SEPTIN8: variants seen among roughly 807,000 people sequenced by gnomAD.
SEPTIN8 encodes the protein septin 8.
SEPTIN8 carries 22 observed loss-of-function variants against 53.1 expected under a neutral mutation model. That is an observed-to-expected ratio of 0.41 (90% CI 0.30 to 0.59). The LOEUF (loss-of-function observed/expected upper bound fraction) is 0.59. SEPTIN8 is among the 20% of genes least tolerant of loss of function. The pLI is 0.24. For missense variants in SEPTIN8, 536 were observed against 638.7 expected, an observed-to-expected ratio of 0.84 and a Z score of 1.73; for synonymous variants, 228 against 248.4, an observed-to-expected ratio of 0.92 and a Z score of 0.77.
chr5:132,766,416 T>C (rs1756605274), intron 1 of SEPTIN8, among the ~76,000 whole-genome samples: 1 of 152,154 alleles, frequency 6.6e-6, no homozygotes, highest in Admixed American at 6.5e-5. Context: ...CACCGCTCTA[T>C]AAAAAGAAAC....
intron 1 of SEPTIN8, 28 bp from the exon 2 acceptor site, chr5:132,765,557 T>C: frequency 1.9e-6 from 3 of 1,557,326 alleles, no homozygotes; most frequent in Non-Finnish European, 2.6e-6. Flanking sequence ...AAGCAAGACA[T>C]GAGCCCACTG....
intron 1 of SEPTIN8, among the ~76,000 whole-genome samples, chr5:132,770,008 T>TAC (rs1267557169): frequency 0.013 from 655 of 52,210 alleles, 22 homozygotes; most frequent in East Asian, 0.1. Flanking sequence ...TATATATATA[T>TAC]ATATATATAT....
chr5:132,763,701 G>T lies in SEPTIN8; in HGVS notation c.534+5C>A. 6.2e-7 allele frequency: 1 copy of T among 1,613,016 alleles called. No homozygotes were observed. The highest frequency in any genetic ancestry group is 8.5e-7 in the Non-Finnish European group (1 of 1,179,052). On this transcript the variant is annotated splice_donor_5th_base_variant and intron_variant, in intron 4 of 9. Coordinates refer to ENST00000378719, the MANE Select transcript of SEPTIN8 (RefSeq NM_001098811.2). ...GCCTGTGACAGCAGGTGGGGACAGGGATACCTTGCTGTCTAGTTTCTTCAT... is the reference window on the plus strand; with the variant it reads ...GCCTGTGACAGCAGGTGGGGACAGGTATACCTTGCTGTCTAGTTTCTTCAT...
intron 1 of SEPTIN8, among the ~76,000 whole-genome samples, chr5:132,766,117 G>A (rs1756563401): frequency 6.6e-6 from 1 of 152,186 alleles, no homozygotes; most frequent in East Asian, 1.9e-4. Context: ...CCCACGTGTG[G>A]GACTCATGCA....
chr5:132,760,156 CCA>C lies in SEPTIN8; in HGVS notation c.1286+644_1286+645del, dbSNP rs1755749937. Reference sequence around the variant, plus strand: ...TGTGTGGTGACCAGTCTCCAGGAGGCCAGTGTTGGCTGGCGCGAGTGCCCGCA... The same window carrying C: ...TGTGTGGTGACCAGTCTCCAGGAGGCGTGTTGGCTGGCGCGAGTGCCCGCA... On this transcript the variant is annotated intron_variant, in intron 9 of 9. Coordinates refer to ENST00000378719, the MANE Select transcript of SEPTIN8 (RefSeq NM_001098811.2). This position sits in a 1 kb window ranked among gnomAD's most constrained non-coding sequence, Gnocchi z 5.2. Among the ~76,000 whole-genome samples, 1 of 152,126 alleles carries C rather than the reference CCA, an allele frequency of 6.6e-6. No homozygotes were observed. The highest frequency in any genetic ancestry group is 2.4e-5 in the African/African-American group (1 of 41,428).
At chr5:132,757,941 T>C (rs1755494627) in intron 9 of SEPTIN8, 2 of 985,920 alleles carry the variant, frequency 2.0e-6, no homozygotes, top group Admixed American at 1.2e-4. Context: ...TCTTTACATT[T>C]GGAATATGCA....
chr5:132,751,206 CATTAA>C lies in SEPTIN8; in HGVS notation c.*805_*809del, dbSNP rs1447922549. ...CCACCAGACTCCCACTTCTAAAGGA[CATTAA>C]ATTAACTTTACAAAGATTTTTAGAC... On this transcript the variant is annotated 3_prime_UTR_variant, in exon 10 of 10. Transcript: ENST00000378719. 2 of 475,424 alleles carry C rather than the reference CATTAA, an allele frequency of 4.2e-6. No homozygotes were observed. Among genetic ancestry groups the C allele is most frequent in the Non-Finnish European group, 7.2e-6 (2 of 276,682 alleles). 29.5% of individuals were successfully genotyped at this position (475,424 alleles called of 1,614,324 possible).
chr5:132,754,110 TGACACAC>T, intron 9 of SEPTIN8: 1 of 345,702 alleles, frequency 2.9e-6, no homozygotes, highest in Non-Finnish European at 5.4e-6. Flanking sequence ...TATTTTTTCT[TGACACAC>T]TTTTGCTTGT....
intron 9 of SEPTIN8, chr5:132,754,406 G>A (rs781554812): frequency 4.2e-6 from 3 of 717,324 alleles, no homozygotes; most frequent in African/African-American, 1.7e-5. Context: ...CATCCTGAGG[G>A]CCCATACCAG....
chr5:132,751,583 A>T lies in SEPTIN8; in HGVS notation c.*433T>A, dbSNP rs1001225027. ...AGATTAAATTACTAAAGACTGTTTC[A>T]TTACGAAAACTGGCCACCGTTGCCA... On this transcript the variant is annotated 3_prime_UTR_variant, in exon 10 of 10. Transcript: ENST00000378719. 3 of 281,448 alleles carry T rather than the reference A, an allele frequency of 1.1e-5. No individual in the cohort carries two copies. Among genetic ancestry groups the T allele is most frequent in the South Asian group, 1.1e-4 (2 of 17,628 alleles). The allele number at this position is 281,448 out of a possible 1,614,324, so 17.4% of individuals were successfully genotyped here.
At chr5:132,759,148 C>G in intron 9 of SEPTIN8, 1 of 474,452 alleles carries the variant, frequency 2.1e-6, no homozygotes, top group South Asian at 1.8e-5. Context: ...ACACTAGTCC[C>G]TTGACCAGGG....
chr5:132,758,182 A>C (rs528142897), intron 9 of SEPTIN8: 1 of 1,102,184 alleles, frequency 9.1e-7, no homozygotes, highest in African/African-American at 1.6e-5. Flanking sequence ...CTCCCTGTAT[A>C]TGATAGGCAT....
chr5:132,770,123 A>G (rs1409265457), intron 1 of SEPTIN8, among the ~76,000 whole-genome samples: 6 of 90,860 alleles, frequency 6.6e-5, no homozygotes, highest in African/African-American at 5.3e-4. Context: ...ATATATATAT[A>G]TGTATATATG....
intron 1 of SEPTIN8, among the ~76,000 whole-genome samples, chr5:132,767,549 C>T (rs13362541): frequency 0.094 from 14,373 of 152,142 alleles, 2,301 homozygotes; most frequent in African/African-American, 0.33. Flanking sequence ...TTCTAGATGT[C>T]GGCTGCAGGT....
Position 132,763,824 on chromosome 5 carries a change from C to G in SEPTIN8, c.416G>C (p.Arg139Pro). Residue 139 changes from arginine (R) to proline (P), a missense_variant, in exon 4 of 10, where the codon CGC (arginine) becomes CCC (proline). Coordinates refer to ENST00000378719, the MANE Select transcript of SEPTIN8 (RefSeq NM_001098811.2). ...GTCATGGTAGTCGAAGAGCGAGCGG[C>G]GGATCTTCAGCTCCTCCTGCAGATA... ...ENYLQEELKI[R>P]RSLFDYHDTR... The G allele has an allele frequency of 6.2e-7, 1 of 1,610,818 alleles. No individual in the cohort carries two copies. The highest frequency in any genetic ancestry group is 8.5e-7 in the Non-Finnish European group (1 of 1,178,552).
chr5:132,773,028 C>T lies in SEPTIN8; in HGVS notation c.30+4080G>A, dbSNP rs1249824361. Among the ~76,000 whole-genome samples the T allele has an allele frequency of 6.6e-6, 1 of 152,198 alleles. No individual in the cohort carries two copies. Among genetic ancestry groups the T allele is most frequent in the Non-Finnish European group, 1.5e-5 (1 of 68,036 alleles). ...GAGAATATCTAATTTGCCCCAAGAA[C>T]ATGTAGGGCAACTGCACGCAGAGCC... On this transcript the variant is annotated intron_variant, in intron 1 of 9. Transcript: ENST00000378719. The surrounding 1 kb of genome is among the most constrained non-coding windows in gnomAD (Gnocchi z 4.2).
rs528943786 is a variant in SEPTIN8, at chr5:132,756,814, C to T, written c.1286+3988G>A. 6.7e-5 allele frequency: 66 copies of T among 985,404 alleles called. No individual in the cohort carries two copies. In the African/African-American group the frequency reaches 9.2e-4, roughly 14 times the overall value. The allele number at this position is 985,404 out of a possible 1,614,324, so 61.0% of individuals were successfully genotyped here. A position where few individuals can be genotyped will look rare whatever the true frequency, so the allele number is the denominator to read the frequency against. On this transcript the variant is annotated intron_variant, in intron 9 of 9. Transcript: ENST00000378719. ...GGTGCGACCCGCAGGCCACAATGGA[C>T]GAATGGCCAAGTCTGCATACTCCAG...
At chr5:132,768,788 T>G (rs1289637138) in intron 1 of SEPTIN8, among the ~76,000 whole-genome samples, 1 of 152,206 alleles carries the variant, frequency 6.6e-6, no homozygotes, top group Admixed American at 6.5e-5. Context: ...GGCTGCAGTC[T>G]ACTCACAGGA....
chr5:132,757,244 CT>C, intron 9 of SEPTIN8: 16 of 985,354 alleles, frequency 1.6e-5, no homozygotes, highest in Non-Finnish European at 1.9e-5. Flanking sequence ...AGATCCACCC[CT>C]GGTCATAGCA....
Sources: allele counts gnomAD v4.1 joint callset (sites outside exome capture counted in the v4.1 genomes callset), GRCh38; gene constraint gnomAD v4.1.1; non-coding constraint Gnocchi (gnomAD v3.1); transcripts MANE v1.5; gene names NCBI Gene and HGNC (gene_info 2026-07-23, HGNC 2026-07-21).